MTA3: variants seen among roughly 807,000 people sequenced by gnomAD.
MTA3 encodes metastasis-associated protein MTA3.
MTA3 carries 34 observed loss-of-function variants against 83.5 expected under a neutral mutation model. The observed-to-expected ratio is 0.41, with a 90% CI of 0.31 to 0.54. The LOEUF (loss-of-function observed/expected upper bound fraction) is 0.54. MTA3 is among the 20% of genes least tolerant of loss of function. The pLI is 0.33. For synonymous variants in MTA3, 303 were observed against 252.7 expected (o/e 1.20, Z -1.89); for missense variants, 761 against 726.4 (o/e 1.05, Z -0.55).
At chr2:42,655,663 C>T (rs554662917) in intron 6 of MTA3, among the ~76,000 whole-genome samples, 102 of 152,288 alleles carry the variant, frequency 6.7e-4, no homozygotes, top group African/African-American at 1.6e-3. Context: ...AGTACAGTGG[C>T]GCAATCTCAG....
At chr2:42,531,350 G>A (rs183246039) in intron 2 of MTA3, among the ~76,000 whole-genome samples, 4 of 150,918 alleles carry the variant, frequency 2.7e-5, no homozygotes, top group African/African-American at 9.7e-5. Flanking sequence ...TTCATGCATG[G>A]TCAAAGCAAT....
chr2:42,631,412 G>C (rs1226289061), intron 4 of MTA3, among the ~76,000 whole-genome samples: 3 of 152,110 alleles, frequency 2.0e-5, no homozygotes, highest in Admixed American at 1.3e-4. Flanking sequence ...GGCTGAAGTA[G>C]TTTTCTTCAA....
rs142242431 is a variant in MTA3, at chr2:42,663,538, A to C, written c.702+3676A>C. Among the ~76,000 whole-genome samples the C allele has an allele frequency of 2.0e-3, 298 of 152,296 alleles. 2 individuals are homozygous for C. The highest frequency in any genetic ancestry group is 6.8e-3 in the African/African-American group (283 of 41,564). ...AACTTTGGGAGGCTGAGGCAGGATG[A>C]TCACTTGAGGCCAGGAGTCTGAGAC... On this transcript the variant is annotated intron_variant, in intron 8 of 16. Coordinates refer to ENST00000405094, the MANE Select transcript of MTA3 (RefSeq NM_001330442.2).
At chr2:42,619,895 C>A (rs187150487) in intron 4 of MTA3, among the ~76,000 whole-genome samples, 1 of 152,162 alleles carries the variant, frequency 6.6e-6, no homozygotes, top group East Asian at 1.9e-4. Context: ...TGTTCTAGAA[C>A]GCTGTGCATT....
At chr2:42,677,235 G>A (rs1691443988) in intron 8 of MTA3, among the ~76,000 whole-genome samples, 1 of 152,096 alleles carries the variant, frequency 6.6e-6, no homozygotes, top group African/African-American at 2.4e-5. Context: ...TAATTCCCAC[G>A]TGTTGTGGGA....
chr2:42,563,834 T>TCC (rs1677781191), upstream of MTA3, among the ~76,000 whole-genome samples: 5 of 150,012 alleles, frequency 3.3e-5, no homozygotes, highest in African/African-American at 7.4e-5. Flanking sequence ...CTTCCTTCCT[T>TCC]TCTTTTTTGA....
At chr2:42,540,026 C>G (rs1287019432) in intron 2 of MTA3, among the ~76,000 whole-genome samples, 1 of 152,122 alleles carries the variant, frequency 6.6e-6, no homozygotes, top group Non-Finnish European at 1.5e-5. Context: ...ACCTTCCTCC[C>G]TCTCTCTGGC....
rs555965686 is a variant in MTA3 at position 42,735,679 on chromosome 2, T to A, written c.1759+12644T>A. Among the ~76,000 whole-genome samples, 31 of 152,336 alleles carry A rather than the reference T, an allele frequency of 2.0e-4. 1 individual carries two copies. The South Asian group carries it at 6.2e-3, about 31-fold the overall frequency. ...TCTTTATTCTCTTGTCTCCTCTGAC[T>A]GTGTATTTCAAATAGCCTGTCTTCA... On this transcript the variant is annotated intron_variant, in intron 16 of 16. Transcript: ENST00000405094.
chr2:42,522,375 G>C (rs11685921), intron 2 of MTA3, among the ~76,000 whole-genome samples: 5 of 152,126 alleles, frequency 3.3e-5, no homozygotes, highest in Admixed American at 2.0e-4. Flanking sequence ...CTTGCTATGA[G>C]GCTTGCTTGG....
At chr2:42,695,562 G>T (rs1293635765) in intron 9 of MTA3, among the ~76,000 whole-genome samples, 1 of 132,984 alleles carries the variant, frequency 7.5e-6, no homozygotes, top group Non-Finnish European at 1.5e-5. Context: ...CTGAACCCAG[G>T]AAGCGGAGGT....
intron 3 of MTA3, among the ~76,000 whole-genome samples, chr2:42,587,905 T>A (rs1323253041): frequency 1.3e-5 from 2 of 152,150 alleles, no homozygotes; most frequent in Non-Finnish European, 2.9e-5. Flanking sequence ...TAACCTAATG[T>A]TTTTTATGCT....
At chr2:42,537,880 G>A (rs987521530) in intron 2 of MTA3, among the ~76,000 whole-genome samples, 3 of 152,036 alleles carry the variant, frequency 2.0e-5, no homozygotes, top group Non-Finnish European at 4.4e-5. Context: ...GGTGATAGGG[G>A]GTGGAGTATC....
intron 14 of MTA3, among the ~76,000 whole-genome samples, chr2:42,713,147 T>C (rs1666760725): frequency 6.6e-6 from 1 of 152,210 alleles, no homozygotes; most frequent in Non-Finnish European, 1.5e-5. Context: ...GGCACCTTGG[T>C]GGCTTGCAGA....
At chr2:42,604,996 C>CA (rs1159636310) in intron 3 of MTA3, among the ~76,000 whole-genome samples, 2 of 150,458 alleles carry the variant, frequency 1.3e-5, no homozygotes, top group African/African-American at 4.9e-5. Flanking sequence ...TCCACACAGA[C>CA]ACGGCAACCA....
chr2:42,646,101 G>C (rs1295389779), intron 6 of MTA3, among the ~76,000 whole-genome samples: 1 of 152,152 alleles, frequency 6.6e-6, no homozygotes, highest in Non-Finnish European at 1.5e-5. Context: ...GAACAACAAA[G>C]CCTAAATGAC....
intron 2 of MTA3, among the ~76,000 whole-genome samples, chr2:42,496,531 T>G (rs528198704): frequency 6.6e-6 from 1 of 151,876 alleles, no homozygotes; most frequent in South Asian, 2.1e-4. Flanking sequence ...TATCTAAATC[T>G]TTAGAATGCA....
chr2:42,596,787 T>TTGTA (rs1681836724), intron 3 of MTA3, among the ~76,000 whole-genome samples: 1 of 152,248 alleles, frequency 6.6e-6, no homozygotes, highest in Non-Finnish European at 1.5e-5. Flanking sequence ...CAGGCTCATG[T>TTGTA]TGTATATTTT....
chr2:42,505,825 A>G (rs1433453832), intron 2 of MTA3, among the ~76,000 whole-genome samples: 10 of 149,074 alleles, frequency 6.7e-5, no homozygotes, highest in Admixed American at 5.5e-4. Context: ...CTGGAGTGCA[A>G]TGGCGTGATC....
At chr2:42,735,016 T>C (rs1012513180) in intron 16 of MTA3, among the ~76,000 whole-genome samples, 1 of 152,210 alleles carries the variant, frequency 6.6e-6, no homozygotes, top group Admixed American at 6.5e-5. Flanking sequence ...TACACTGTTA[T>C]AATATTCTGT....
Sources: gnomAD v4.1 joint callset for allele counts (sites outside exome capture counted in the v4.1 genomes callset) on GRCh38, gnomAD v4.1.1 for gene constraint, MANE v1.5 for transcripts, NCBI Gene and HGNC (gene_info 2026-07-23, HGNC 2026-07-21) for gene names.